Variants in ANXA4 observed in about 807,000 individuals in gnomAD.
ANXA4 encodes 35-beta calcimedin.
A neutral mutation model predicts 49.8 loss-of-function variants in ANXA4; 39 were observed. That is an observed-to-expected ratio of 0.78 (90% CI 0.61 to 1.02). ANXA4 has a LOEUF of 1.02. Among genes scored for constraint, ANXA4 ranks in the 50% least tolerant of loss-of-function variants. ANXA4 has a pLI of 0.00. For synonymous variants in ANXA4, 134 were observed against 152.5 expected, an observed-to-expected ratio of 0.88 and a Z score of 0.89; for missense variants, 360 against 410.1, an observed-to-expected ratio of 0.88 and a Z score of 1.05.
chr2:69,783,671 A>G (rs567777293), intron 2 of ANXA4, among the ~76,000 whole-genome samples: 1 of 152,266 alleles, frequency 6.6e-6, no homozygotes, highest in East Asian at 1.9e-4. Context: ...ACAAATACAT[A>G]TATATACCCA....
chr2:69,773,594 C>CTTTCT lies in ANXA4; in HGVS notation c.-46-7908_-46-7904dup, dbSNP rs1164026457. ...GTTTATCAATATTTGTTTTATTCTC[C>CTTTCT]TTTCTTTTCTTTTCTTTTCTTTCCT... is the stretch of plus-strand genomic sequence containing the variant. On this transcript the variant is annotated intron_variant, in intron 1 of 12. Transcript: ENST00000394295. Among the ~76,000 whole-genome samples the CTTTCT allele has an allele frequency of 8.9e-4, 128 of 144,348 alleles. No individual in the cohort carries two copies. In the South Asian group the frequency reaches 0.011, roughly 12 times the overall value. The allele number at this position is 144,348 out of a possible 152,430, so 94.7% of individuals were successfully genotyped here.
At chr2:69,663,778 A>G (rs1333739484) in intron 2 of ANXA4, among the ~76,000 whole-genome samples, 1 of 152,252 alleles carries the variant, frequency 6.6e-6, no homozygotes, top group South Asian at 2.1e-4. Flanking sequence ...TTAAGAAGAT[A>G]AAGTTAGAAA....
At chr2:69,656,551 C>CTTTTTTTTTT (rs34322550) in intron 2 of ANXA4, among the ~76,000 whole-genome samples, 1 of 103,994 alleles carries the variant, frequency 9.6e-6, no homozygotes, top group African/African-American at 3.9e-5. Context: ...ACAGTAGTTC[C>CTTTTTTTTTT]TTTTTTTTTT....
At chr2:69,683,255 T>C (rs1315372465) in intron 2 of ANXA4, among the ~76,000 whole-genome samples, 4 of 152,220 alleles carry the variant, frequency 2.6e-5, no homozygotes, top group Non-Finnish European at 4.4e-5. Context: ...GTGAGCTATA[T>C]TTTCTAATCT....
At chr2:69,812,493 T>C (rs912907817) in intron 7 of ANXA4, among the ~76,000 whole-genome samples, 160 bp from the exon 8 acceptor site, 2 of 152,216 alleles carry the variant, frequency 1.3e-5, no homozygotes, top group Admixed American at 6.5e-5. Context: ...ATTGTAATAA[T>C]GCGAGCGCAT....
chr2:69,824,392 A>G (rs1674371002), intron 12 of ANXA4, among the ~76,000 whole-genome samples: 1 of 151,960 alleles, frequency 6.6e-6, no homozygotes, highest in Admixed American at 6.6e-5. Context: ...AGTGCCAGCT[A>G]CGCAGGCAGC....
At chr2:69,803,460 G>T (rs1573290654) in intron 3 of ANXA4, 1 of 152,166 alleles carries the variant, frequency 6.6e-6, no homozygotes, top group African/African-American at 2.4e-5. Flanking sequence ...AAAGACAAGG[G>T]ACCAATCTGA....
intron 2 of ANXA4, among the ~76,000 whole-genome samples, chr2:69,782,830 A>C (rs1402991839): frequency 6.6e-6 from 1 of 152,184 alleles, no homozygotes; most frequent in Non-Finnish European, 1.5e-5. Context: ...GGAGAAAATT[A>C]CCTCAGTTGC....
At chr2:69,756,756 T>C (rs1156482134) in intron 1 of ANXA4, among the ~76,000 whole-genome samples, 1 of 151,986 alleles carries the variant, frequency 6.6e-6, no homozygotes, top group Non-Finnish European at 1.5e-5. Flanking sequence ...ATACTTAGAA[T>C]TAATTTTTGG....
intron 3 of ANXA4, among the ~76,000 whole-genome samples, chr2:69,727,185 T>C (rs1669983208): frequency 6.6e-6 from 1 of 152,262 alleles, no homozygotes; most frequent in East Asian, 1.9e-4. Context: ...CGTTTCACTA[T>C]TGATGGACAT....
chr2:69,775,848 G>A (rs999147423), intron 1 of ANXA4, among the ~76,000 whole-genome samples: 2 of 152,190 alleles, frequency 1.3e-5, no homozygotes, highest in African/African-American at 2.4e-5. Context: ...ATAGGAACTC[G>A]TGGTTAATAA....
At chr2:69,743,990 T>C (rs1365429247) in intron 1 of ANXA4, among the ~76,000 whole-genome samples, 2 of 152,192 alleles carry the variant, frequency 1.3e-5, no homozygotes, top group African/African-American at 2.4e-5. Flanking sequence ...GCTCATTTAT[T>C]ATCTGCTTTT....
intron 2 of ANXA4, among the ~76,000 whole-genome samples, chr2:69,658,978 G>A (rs537389297): frequency 2.0e-5 from 3 of 152,334 alleles, no homozygotes; most frequent in South Asian, 4.1e-4. Context: ...TTACAGGCGT[G>A]AGCCACTATG....
chr2:69,743,097 C>A (rs1400452961), intron 1 of ANXA4, among the ~76,000 whole-genome samples: 1 of 151,984 alleles, frequency 6.6e-6, no homozygotes, highest in East Asian at 1.9e-4. Flanking sequence ...ACTCTGCCTC[C>A]CAGGCTCAGG....
At chr2:69,706,601 C>A (rs11693776) in intron 2 of ANXA4, among the ~76,000 whole-genome samples, 4,183 of 152,192 alleles carry the variant, frequency 0.027, 76 homozygotes, top group Non-Finnish European at 0.043. Flanking sequence ...CGCGCCCAGT[C>A]GGTACAATTC....
chr2:69,706,593 C>T (rs564093401), intron 2 of ANXA4, among the ~76,000 whole-genome samples: 12 of 152,188 alleles, frequency 7.9e-5, no homozygotes, highest in East Asian at 3.9e-4. Flanking sequence ...TGAGCCACCG[C>T]GCCCAGTCGG....
At chr2:69,791,180 T>A (rs1672676716) in intron 3 of ANXA4, among the ~76,000 whole-genome samples, 1 of 152,336 alleles carries the variant, frequency 6.6e-6, no homozygotes, top group East Asian at 1.9e-4. Context: ...ATGGGGTTCC[T>A]AGGCCTGTTA....
chr2:69,676,982 C>T (rs934452272), intron 2 of ANXA4, among the ~76,000 whole-genome samples: 6 of 151,920 alleles, frequency 3.9e-5, no homozygotes, highest in African/African-American at 1.2e-4. Flanking sequence ...TTTTTATTTT[C>T]GTTTTTATTT....
intron 9 of ANXA4, chr2:69,816,862 C>T (rs896173911): frequency 3.3e-5 from 5 of 152,142 alleles, no homozygotes; most frequent in African/African-American, 9.7e-5. Flanking sequence ...TTTATAAACC[C>T]ACCCACCATA....
Sources: allele counts gnomAD v4.1 joint callset (sites outside exome capture counted in the v4.1 genomes callset), GRCh38; gene constraint gnomAD v4.1.1; transcripts MANE v1.5; gene names NCBI Gene and HGNC (gene_info 2026-07-23, HGNC 2026-07-21).